Variants in VEZT observed in about 807,000 individuals in gnomAD.
The protein encoded by VEZT is vezatin.
VEZT carries 39 observed loss-of-function variants against 79.9 expected under a neutral mutation model. The ratio of observed to expected loss-of-function variants is 0.49; its 90% CI spans 0.38 to 0.64. The LOEUF (loss-of-function observed/expected upper bound fraction) is 0.64, where lower values mean the gene tolerates loss of function less well. Among genes scored for constraint, VEZT ranks in the 30% least tolerant of loss-of-function variants. The probability of loss-of-function intolerance (pLI) is 0.00; values close to 1 mark genes in which losing one functional copy is unlikely to be tolerated. For missense variants in VEZT, 837 were observed against 893.1 expected, an observed-to-expected ratio of 0.94 and a Z score of 0.80; for synonymous variants, 325 against 327.6, an observed-to-expected ratio of 0.99 and a Z score of 0.09.
At chr12:95,289,090 AAATAAAT>A (rs1207705722) in intron 9 of VEZT, among the ~76,000 whole-genome samples, 1 of 119,172 alleles carries the variant, frequency 8.4e-6, no homozygotes, top group African/African-American at 3.4e-5. Flanking sequence ...TCAAAAAAAA[AAATAAAT>A]AAATAAATAA....
At chr12:95,238,621 C>T (rs2060491501) in intron 1 of VEZT, among the ~76,000 whole-genome samples, 1 of 152,180 alleles carries the variant, frequency 6.6e-6, no homozygotes, top group Admixed American at 6.5e-5. Flanking sequence ...TAGGTCTAAG[C>T]CATTCACATT....
intron 2 of VEZT, among the ~76,000 whole-genome samples, chr12:95,256,386 G>A (rs768728822): frequency 2.6e-5 from 4 of 152,050 alleles, no homozygotes; most frequent in Non-Finnish European, 5.9e-5. Flanking sequence ...CTACTCATCC[G>A]TTAGGACTGA....
At chr12:95,290,401 G>A (rs912416894) in intron 9 of VEZT, among the ~76,000 whole-genome samples, 2 of 152,218 alleles carry the variant, frequency 1.3e-5, no homozygotes, top group African/African-American at 4.8e-5. Flanking sequence ...AAGCAGCTAG[G>A]CTTTGGGAGG....
chr12:95,281,560 T>C (rs2139250351), intron 7 of VEZT, among the ~76,000 whole-genome samples: 1 of 150,334 alleles, frequency 6.7e-6, no homozygotes, highest in East Asian at 2.0e-4. Flanking sequence ...ATTTTTTTTT[T>C]TTTTGGATGG....
Position 95,301,701 on chromosome 12 carries a change from G to T in VEZT, c.*1028G>T, listed in dbSNP as rs1185765353. ...CAGTTTTGAAACCTGTAGCTCCTAT[G>T]CAATAACATAGTTCTATAGACATTA... is the stretch of plus-strand genomic sequence containing the variant. On this transcript the variant is annotated 3_prime_UTR_variant, in exon 12 of 12. Transcript: ENST00000436874. The T allele has an allele frequency of 6.6e-6, 1 of 152,114 alleles. No homozygotes were observed. Among genetic ancestry groups the T allele is most frequent in the Non-Finnish European group, 1.5e-5 (1 of 68,022 alleles). The allele number at this position is 152,114 out of a possible 1,614,324, so 9.4% of individuals were successfully genotyped here.
chr12:95,295,690 A>G (rs2073987836), intron 10 of VEZT, among the ~76,000 whole-genome samples: 1 of 152,142 alleles, frequency 6.6e-6, no homozygotes, highest in Non-Finnish European at 1.5e-5. Flanking sequence ...CAAGAAAACA[A>G]ACATGCCTGA....
intron 2 of VEZT, among the ~76,000 whole-genome samples, chr12:95,254,344 T>TTC (rs1266128468): frequency 7.3e-6 from 1 of 137,178 alleles, no homozygotes; most frequent in East Asian, 2.1e-4. Flanking sequence ...AAGTTCTTTT[T>TTC]TTTTTTTTTT....
chr12:95,279,089 A>T (rs1402926354), intron 7 of VEZT, among the ~76,000 whole-genome samples: 3 of 152,232 alleles, frequency 2.0e-5, no homozygotes, highest in Non-Finnish European at 4.4e-5. Flanking sequence ...TAAATAAATT[A>T]ATTGATTAAT....
intron 5 of VEZT, among the ~76,000 whole-genome samples, chr12:95,269,637 C>G (rs779348312): frequency 1.1e-4 from 16 of 152,022 alleles, no homozygotes; most frequent in Non-Finnish European, 2.1e-4. Context: ...TTCATACTTC[C>G]TATGGATATA....
At chr12:95,231,686 G>A (rs2059295287) in intron 1 of VEZT, 1 of 152,048 alleles carries the variant, frequency 6.6e-6, no homozygotes, top group Non-Finnish European at 1.5e-5. Flanking sequence ...TAGATATTAT[G>A]TTGAAATGTG....
chr12:95,245,093 G>A (rs1224833246), intron 1 of VEZT, among the ~76,000 whole-genome samples: 1 of 152,136 alleles, frequency 6.6e-6, no homozygotes, highest in Non-Finnish European at 1.5e-5. Context: ...AATTAGCTGG[G>A]TGTAGTAGCG....
rs2075191281 is a variant in VEZT at position 95,301,330 on chromosome 12, A to C, written c.*657A>C. Reference sequence around the variant, plus strand: ...ATATTGTACCATTTTTTAGAATTACACTTTCACCTTTCTTTTTGCAATTGA... The same window carrying C: ...ATATTGTACCATTTTTTAGAATTACCCTTTCACCTTTCTTTTTGCAATTGA... On this transcript the variant is annotated 3_prime_UTR_variant, in exon 12 of 12. Coordinates refer to ENST00000436874, the MANE Select transcript of VEZT (RefSeq NM_017599.4). 1 of 152,146 alleles carries C rather than the reference A, an allele frequency of 6.6e-6. No individual in the cohort carries two copies. Among genetic ancestry groups the C allele is most frequent in the African/African-American group, 2.4e-5 (1 of 41,424 alleles). 9.4% of individuals were successfully genotyped at this position (152,146 alleles called of 1,614,324 possible).
intron 3 of VEZT, among the ~76,000 whole-genome samples, chr12:95,261,760 G>A (rs919607795): frequency 1.3e-5 from 2 of 152,144 alleles, no homozygotes; most frequent in African/African-American, 4.8e-5. Context: ...TTTCTTTTGA[G>A]GCAGACTATA....
At chr12:95,291,179 C>T (rs1206808761) in intron 9 of VEZT, among the ~76,000 whole-genome samples, 1 of 152,158 alleles carries the variant, frequency 6.6e-6, no homozygotes, top group Non-Finnish European at 1.5e-5. Flanking sequence ...TTCAGTGAGC[C>T]ATGATTGCAC....
Position 95,226,353 on chromosome 12 carries a change from TATC to T in VEZT, c.36+8468_36+8470del, listed in dbSNP as rs1240169821. 1.9e-4 allele frequency among the ~76,000 whole-genome samples: 29 copies of T among 152,106 alleles called. No homozygotes were observed. In the South Asian group the frequency reaches 6.0e-3, roughly 32 times the overall value. On this transcript the variant is annotated intron_variant, in intron 1 of 11. Transcript: ENST00000436874. ...ACAAGCCAAGCCAATTTACCATATC[TATC>T]TTAGGGCTGAACCTCTCTTCCCCTA...
chr12:95,265,688 A>G (rs1360844294), intron 4 of VEZT, among the ~76,000 whole-genome samples: 1 of 152,010 alleles, frequency 6.6e-6, no homozygotes, highest in Admixed American at 6.6e-5. Flanking sequence ...TTGGGGTCAC[A>G]GAAGAGGGGT....
rs781146574 is a variant in VEZT at position 95,258,113 on chromosome 12, G to A, written c.258+874G>A. ...TCTAGCTCAAGTATTATTATTTTTTGGCTGACTAAAATTACTTTTTTAGCA... is the reference window on the plus strand; with the variant it reads ...TCTAGCTCAAGTATTATTATTTTTTAGCTGACTAAAATTACTTTTTTAGCA... On this transcript the variant is annotated intron_variant, in intron 3 of 11. Coordinates refer to ENST00000436874, the MANE Select transcript of VEZT (RefSeq NM_017599.4). 2.6e-4 allele frequency: 98 copies of A among 381,710 alleles called. 1 individual carries two copies. Among genetic ancestry groups the A allele is most frequent in the Non-Finnish European group, 3.8e-4 (71 of 188,154 alleles). The allele number at this position is 381,710 out of a possible 1,614,324, so 23.6% of individuals were successfully genotyped here.
chr12:95,296,579 T>A (rs1353983964), intron 11 of VEZT: 10 of 181,406 alleles, frequency 5.5e-5, no homozygotes. Context: ...TTCTCAACTC[T>A]GTTGTCCATA....
chr12:95,254,087 C>G lies in VEZT; in HGVS notation c.168+2016C>G, dbSNP rs142046967. On this transcript the variant is annotated intron_variant, in intron 2 of 11. Transcript: ENST00000436874. The stretch of plus-strand genomic sequence containing the variant: ...CATTCACTTCCTGGGCCCAAGTGAT[C>G]CTCCCACCTCTGCCTCCCAAGTACC... 6.1e-3 allele frequency among the ~76,000 whole-genome samples: 921 copies of G among 152,094 alleles called. 12 individuals carry two copies. Among genetic ancestry groups the G allele is most frequent in the African/African-American group, 0.021 (871 of 41,466 alleles).
Sources: allele counts gnomAD v4.1 joint callset (sites outside exome capture counted in the v4.1 genomes callset), GRCh38; gene constraint gnomAD v4.1.1; transcripts MANE v1.5; gene names NCBI Gene and HGNC (gene_info 2026-07-23, HGNC 2026-07-21).